Variants in ZDHHC2 observed in about 807,000 individuals in gnomAD.
The protein encoded by ZDHHC2 is palmitoyltransferase ZDHHC2.
In ZDHHC2, 51 loss-of-function variants were observed where a neutral mutation model predicts 55.6. The ratio of observed to expected loss-of-function variants is 0.92; its 90% CI spans 0.73 to 1.16. ZDHHC2 has a LOEUF of 1.16. Among genes scored for constraint, ZDHHC2 ranks in the 50% most tolerant of loss-of-function variants. The pLI is 0.00. For synonymous variants in ZDHHC2, 199 were observed against 152.9 expected (o/e 1.30, Z -2.22); for missense variants, 491 against 442.4 (o/e 1.11, Z -0.99).
At chr8:17,213,257 C>CT (rs1482564969) in intron 10 of ZDHHC2, among the ~76,000 whole-genome samples, 6 of 148,680 alleles carry the variant, frequency 4.0e-5, no homozygotes, top group Admixed American at 1.3e-4. Flanking sequence ...TTTTTTTTTT[C>CT]TTTTTTTTTC....
chr8:17,162,396 G>C (rs976535073), intron 1 of ZDHHC2, among the ~76,000 whole-genome samples: 1 of 152,082 alleles, frequency 6.6e-6, no homozygotes, highest in African/African-American at 2.4e-5. Flanking sequence ...GGAAAAGTTC[G>C]CTTGCAATTG....
Position 17,184,840 on chromosome 8 carries a change from T to C in ZDHHC2, c.157+25T>C, listed in dbSNP as rs1195216430. ...GGTAAGCTAGATTATATTAATGTTATAGATTTTTTAAATAGTTTGAAAAAA... is the reference window on the plus strand; with the variant it reads ...GGTAAGCTAGATTATATTAATGTTACAGATTTTTTAAATAGTTTGAAAAAA... On this transcript the variant is annotated intron_variant, in intron 2 of 12. Coordinates refer to ENST00000262096, the MANE Select transcript of ZDHHC2 (RefSeq NM_016353.5). The C allele has an allele frequency of 3.9e-6, 6 of 1,522,654 alleles. No homozygotes were observed. In the East Asian group the frequency reaches 9.8e-5, roughly 25 times the overall value. 94.3% of individuals were successfully genotyped at this position (1,522,654 alleles called of 1,614,324 possible).
intron 4 of ZDHHC2, among the ~76,000 whole-genome samples, chr8:17,196,685 C>G (rs1453755119): frequency 6.6e-6 from 1 of 151,798 alleles, no homozygotes; most frequent in Non-Finnish European, 1.5e-5. Flanking sequence ...GGTGGATCAC[C>G]TGAGGTCAGG....
At chr8:17,169,102 A>G (rs1306456820) in intron 1 of ZDHHC2, among the ~76,000 whole-genome samples, 3 of 152,158 alleles carry the variant, frequency 2.0e-5, no homozygotes, top group African/African-American at 7.2e-5. Flanking sequence ...AGGACACCAT[A>G]CGGTTTTTCT....
intron 3 of ZDHHC2, among the ~76,000 whole-genome samples, chr8:17,195,190 T>C (rs1397417137): frequency 6.6e-6 from 1 of 152,222 alleles, no homozygotes; most frequent in African/African-American, 2.4e-5. Context: ...TATCTATCAA[T>C]GTAACTCATA....
intron 1 of ZDHHC2, among the ~76,000 whole-genome samples, chr8:17,181,641 A>T (rs1205017328): frequency 1.3e-5 from 2 of 152,330 alleles, no homozygotes; most frequent in East Asian, 3.9e-4. Flanking sequence ...TCTGTCTGTG[A>T]AGTAAGAAAA....
rs1356895032 is a variant in ZDHHC2 at position 17,220,364 on chromosome 8, T to A, written c.*143T>A. 3 of 152,086 alleles carry A rather than the reference T, an allele frequency of 2.0e-5. No individual in the cohort carries two copies. The highest frequency in any genetic ancestry group is 4.4e-5 in the Non-Finnish European group (3 of 68,010). 9.4% of individuals were successfully genotyped at this position (152,086 alleles called of 1,614,324 possible). A position where few individuals can be genotyped will look rare whatever the true frequency, so the allele number is the denominator to read the frequency against. The stretch of plus-strand genomic sequence containing the variant: ...ATGCAGAATATGAATTGATTAGTTC[T>A]CTCCAAGCCATTGCTTAAAATATAA... On this transcript the variant is annotated 3_prime_UTR_variant, in exon 13 of 13. Coordinates refer to ENST00000262096, the MANE Select transcript of ZDHHC2 (RefSeq NM_016353.5).
intron 1 of ZDHHC2, among the ~76,000 whole-genome samples, chr8:17,163,667 C>T (rs1346058310): frequency 1.3e-5 from 2 of 152,182 alleles, no homozygotes; most frequent in Admixed American, 1.3e-4. Flanking sequence ...GTGGTGTATT[C>T]ATGGGTCCCC....
chr8:17,156,786 C>G lies in ZDHHC2; in HGVS notation c.63C>G (p.Ile21Met), dbSNP rs1804071093. 2.6e-6 allele frequency: 4 copies of G among 1,521,160 alleles called. No individual in the cohort carries two copies. The highest frequency in any genetic ancestry group is 3.5e-6 in the Non-Finnish European group (4 of 1,133,164). 94.2% of individuals were successfully genotyped at this position (1,521,160 alleles called of 1,614,324 possible). A position where few individuals can be genotyped will look rare whatever the true frequency, so the allele number is the denominator to read the frequency against. Residue 21 changes from isoleucine (I) to methionine (M), a missense_variant, in exon 1 of 13, where the codon ATC becomes ATG. Physicochemically the swap from Ile to Met is conservative, Grantham distance 10. Coordinates refer to ENST00000262096, the MANE Select transcript of ZDHHC2 (RefSeq NM_016353.5). ...RRRCRRVLYW[I>M]PVVFITLLLG... ...GGTGCCGGCGGGTGCTGTACTGGAT[C>G]CCGGTGGTGTTCATCACCCTCCTGC...
chr8:17,198,443 G>A (rs773612306), intron 6 of ZDHHC2, 30 bp downstream of exon 6: 6 of 1,574,990 alleles, frequency 3.8e-6, no homozygotes, highest in African/African-American at 2.7e-5. Context: ...AAACAAGTTT[G>A]TGTCCCTTGT....
chr8:17,173,017 G>A (rs1441109897), intron 1 of ZDHHC2, among the ~76,000 whole-genome samples: 3 of 152,174 alleles, frequency 2.0e-5, no homozygotes, highest in Non-Finnish European at 4.4e-5. Context: ...GTTGGTTGGT[G>A]GAGCAAGGGT....
At chr8:17,178,994 A>C (rs775809856) in intron 1 of ZDHHC2, among the ~76,000 whole-genome samples, 61 of 152,248 alleles carry the variant, frequency 4.0e-4, no homozygotes, top group Non-Finnish European at 6.8e-4. Flanking sequence ...TCTGTTGCCC[A>C]GGCTTGAATG....
chr8:17,160,084 A>C (rs1014624907), intron 1 of ZDHHC2, among the ~76,000 whole-genome samples: 1 of 152,174 alleles, frequency 6.6e-6, no homozygotes, highest in Non-Finnish European at 1.5e-5. Context: ...CGAGCACACG[A>C]CGTGGTTTAT....
intron 1 of ZDHHC2, among the ~76,000 whole-genome samples, chr8:17,182,744 C>T (rs1285607584): frequency 1.3e-5 from 2 of 152,094 alleles, no homozygotes; most frequent in Admixed American, 6.5e-5. Context: ...ATTAGCAACT[C>T]GTACCAACTA....
At chr8:17,208,120 G>C in intron 8 of ZDHHC2, 28 bp downstream of exon 8, 1 of 1,523,632 alleles carries the variant, frequency 6.6e-7, no homozygotes, top group Non-Finnish European at 8.8e-7. Flanking sequence ...GTAGTTGACA[G>C]AACTTTAAAT....
At position 17,156,869 on chromosome 8, in the gene ZDHHC2, G is replaced by T; in HGVS notation, c.130+16G>T. 1 of 1,485,418 alleles carries T rather than the reference G, an allele frequency of 6.7e-7. No homozygotes were observed. Among genetic ancestry groups the T allele is most frequent in the Admixed American group, 2.3e-5 (1 of 43,808 alleles). The allele number at this position is 1,485,418 out of a possible 1,614,324, so 92.0% of individuals were successfully genotyped here. A position where few individuals can be genotyped will look rare whatever the true frequency, so the allele number is the denominator to read the frequency against. On this transcript the variant is annotated intron_variant, in intron 1 of 12. Transcript: ENST00000262096. ...CTGTGCATAGGTGAGTGCGCCCCCC[G>T]CCGCGGCGCCCCCAGCGCAGCGCAG... is the stretch of plus-strand genomic sequence containing the variant.
rs1807907237 is a variant in ZDHHC2, at chr8:17,221,299, A to C, written c.*1078A>C. 6.6e-6 allele frequency: 1 copy of C among 152,550 alleles called. No homozygotes were observed. Among genetic ancestry groups the C allele is most frequent in the Admixed American group, 6.5e-5 (1 of 15,268 alleles). 9.4% of individuals were successfully genotyped at this position (152,550 alleles called of 1,614,324 possible). The stretch of plus-strand genomic sequence containing the variant: ...AACTAAAATGGCATGCTATTTGGAA[A>C]TTTAGTTTGAGATAAACTAAAGTGT... On this transcript the variant is annotated 3_prime_UTR_variant, in exon 13 of 13. Coordinates refer to ENST00000262096, the MANE Select transcript of ZDHHC2 (RefSeq NM_016353.5).
chr8:17,212,164 C>A (rs138742383), intron 10 of ZDHHC2, among the ~76,000 whole-genome samples: 1 of 152,074 alleles, frequency 6.6e-6, no homozygotes, highest in Non-Finnish European at 1.5e-5. Flanking sequence ...CAGCTAAAGT[C>A]TCTTTCTTCT....
chr8:17,190,404 A>T (rs1330248329), intron 3 of ZDHHC2, among the ~76,000 whole-genome samples: 2 of 152,200 alleles, frequency 1.3e-5, no homozygotes, highest in Non-Finnish European at 2.9e-5. Context: ...TCTGGTGGTT[A>T]AGAACCTTAG....
Sources: allele counts gnomAD v4.1 joint callset (sites outside exome capture counted in the v4.1 genomes callset), GRCh38; gene constraint gnomAD v4.1.1; transcripts MANE v1.5; gene names NCBI Gene and HGNC (gene_info 2026-07-23, HGNC 2026-07-21).